The following MGAT4C variants were observed in gnomAD, a reference collection of about 807,000 sequenced individuals.
MGAT4C encodes the protein MGAT4 family member C.
A neutral mutation model predicts 40.1 loss-of-function variants in MGAT4C; 19 were observed. The observed-to-expected ratio is 0.47, with a 90% CI of 0.33 to 0.70. The LOEUF (loss-of-function observed/expected upper bound fraction) is 0.70, where lower values mean the gene tolerates loss of function less well. MGAT4C is among the 30% of genes least tolerant of loss of function. The pLI is 0.02. For missense variants in MGAT4C, 491 were observed against 563.2 expected (o/e 0.87, Z 1.30); for synonymous variants, 181 against 187.1 (o/e 0.97, Z 0.27).
At chr12:86,131,403 C>T (rs1237580936) in intron 1 of MGAT4C, among the ~76,000 whole-genome samples, 1 of 152,006 alleles carries the variant, frequency 6.6e-6, no homozygotes, top group Non-Finnish European at 1.5e-5. Context: ...TTCATATACT[C>T]ATATTTGGAC....
chr12:86,359,126 T>A (rs1052140308), intron 3 of MGAT4C, among the ~76,000 whole-genome samples: 1 of 152,162 alleles, frequency 6.6e-6, no homozygotes, highest in Non-Finnish European at 1.5e-5. Flanking sequence ...CAACAAACTG[T>A]CTTTCAGACC....
intron 2 of MGAT4C, among the ~76,000 whole-genome samples, chr12:86,517,270 G>A (rs911835323): frequency 6.6e-6 from 1 of 152,122 alleles, no homozygotes; most frequent in Non-Finnish European, 1.5e-5. Context: ...TTAAAAGAGT[G>A]AGTTTTATGA....
chr12:86,584,014 T>C (rs912958450), intron 2 of MGAT4C, among the ~76,000 whole-genome samples: 2 of 151,022 alleles, frequency 1.3e-5, no homozygotes, highest in Non-Finnish European at 3.0e-5. Context: ...AAGTCAAACA[T>C]TATCAGAAGA....
At chr12:86,780,218 T>G (rs1951814430) in intron 1 of MGAT4C, among the ~76,000 whole-genome samples, 1 of 152,210 alleles carries the variant, frequency 6.6e-6, no homozygotes. Flanking sequence ...TCAAAAGCCA[T>G]GAATCTTAGA....
intron 1 of MGAT4C, among the ~76,000 whole-genome samples, chr12:86,106,236 T>TC (rs1247991909): frequency 6.6e-6 from 1 of 152,124 alleles, no homozygotes; most frequent in Non-Finnish European, 1.5e-5. Context: ...TTGATATATT[T>TC]CTCTTCTCTT....
chr12:86,701,632 G>T (rs1565935350), intron 2 of MGAT4C, among the ~76,000 whole-genome samples: 2 of 152,164 alleles, frequency 1.3e-5, no homozygotes, highest in South Asian at 4.2e-4. Context: ...GATCTCTAAG[G>T]GTTGAAGTAA....
At chr12:86,375,832 A>T (rs2136215369) in intron 3 of MGAT4C, among the ~76,000 whole-genome samples, 1 of 152,244 alleles carries the variant, frequency 6.6e-6, no homozygotes, top group East Asian at 1.9e-4. Flanking sequence ...TTTCACTAGT[A>T]AAATAATAAA....
At chr12:86,327,366 A>C (rs1349362686) in intron 4 of MGAT4C, among the ~76,000 whole-genome samples, 1 of 151,554 alleles carries the variant, frequency 6.6e-6, no homozygotes, top group African/African-American at 2.4e-5. Flanking sequence ...TAGATTGCTG[A>C]GTTGATTGAT....
Position 86,679,767 on chromosome 12 carries a change from C to T in MGAT4C, c.-229+47442G>A, listed in dbSNP as rs148801292. Among the ~76,000 whole-genome samples the T allele has an allele frequency of 3.0e-4, 45 of 152,210 alleles. No homozygotes were observed. In the East Asian group the frequency reaches 4.8e-3, roughly 16 times the overall value. ...GGAACCTCTAAAGATGTCAAATTAGCTGTAGTCTTCATCTTGATCTTCTCA... is the reference window on the plus strand; with the variant it reads ...GGAACCTCTAAAGATGTCAAATTAGTTGTAGTCTTCATCTTGATCTTCTCA... On this transcript the variant is annotated intron_variant, in intron 2 of 7. Transcript: ENST00000548651.
rs148685404 is a variant in MGAT4C, at chr12:86,410,972, T to C, written c.-120+24185A>G. 2.5e-4 allele frequency among the ~76,000 whole-genome samples: 38 copies of C among 152,302 alleles called. 2 individuals carry two copies. The East Asian group carries it at 7.4e-3, about 29-fold the overall frequency. On this transcript the variant is annotated intron_variant, in intron 3 of 7. Coordinates refer to the MGAT4C transcript ENST00000548651. The stretch of plus-strand genomic sequence containing the variant: ...CCTCCTCTGCTCTGGCCATGTAAGA[T>C]GTGTCAGCATCCACTTTACCTTCTG...
At chr12:86,307,306 A>G (rs1953957512) in intron 4 of MGAT4C, among the ~76,000 whole-genome samples, 1 of 150,686 alleles carries the variant, frequency 6.6e-6, no homozygotes, top group Admixed American at 6.6e-5. Flanking sequence ...CATTGGCATG[A>G]ATTACATAAA....
In MGAT4C at chr12:86,020,175, C is replaced by G. The variant is rs549311056; in HGVS notation, c.-7+29499G>C. 3.3e-5 allele frequency among the ~76,000 whole-genome samples: 5 copies of G among 152,244 alleles called. No homozygotes were observed. In the South Asian group the frequency reaches 6.2e-4, roughly 19 times the overall value. ...GACTTCCTCTTTTCTTCATTGAATA[C>G]CCTTTATCTCCTTCTCCTGCCTGAC... On this transcript the variant is annotated intron_variant, in intron 2 of 4. Transcript: ENST00000611864.
intron 1 of MGAT4C, among the ~76,000 whole-genome samples, chr12:86,086,776 A>G (rs1871931185): frequency 6.6e-6 from 1 of 152,042 alleles, no homozygotes; most frequent in South Asian, 2.1e-4. Context: ...ATTTCTATCT[A>G]GACGTATTTT....
chr12:86,610,788 T>C (rs749623805), intron 2 of MGAT4C, among the ~76,000 whole-genome samples: 47 of 127,406 alleles, frequency 3.7e-4, no homozygotes, highest in Middle Eastern at 4.4e-3. Context: ...TTCCCCTTCC[T>C]TGAGAAAAAT....
chr12:86,747,416 T>C (rs1951168491), intron 1 of MGAT4C, among the ~76,000 whole-genome samples: 1 of 151,636 alleles, frequency 6.6e-6, no homozygotes, highest in African/African-American at 2.4e-5. Flanking sequence ...TGTACTTGTG[T>C]GGAGGTTGTT....
At chr12:86,574,754 T>C (rs1429697153) in intron 2 of MGAT4C, among the ~76,000 whole-genome samples, 3 of 151,836 alleles carry the variant, frequency 2.0e-5, no homozygotes, top group African/African-American at 4.8e-5. Context: ...GCCAGGCAAG[T>C]ATATTTATGA....
At chr12:86,596,156 C>CT (rs923142579) in intron 2 of MGAT4C, among the ~76,000 whole-genome samples, 7 of 151,492 alleles carry the variant, frequency 4.6e-5, no homozygotes, top group African/African-American at 1.7e-4. Flanking sequence ...CATTTATTAA[C>CT]TTTTTTATGT....
intron 2 of MGAT4C, among the ~76,000 whole-genome samples, chr12:86,721,594 CTATCATT>C (rs1337639584): frequency 1.3e-5 from 2 of 152,106 alleles, no homozygotes; most frequent in Non-Finnish European, 2.9e-5. Context: ...GAAGACTGAA[CTATCATT>C]TATCTGCCTT....
intron 2 of MGAT4C, among the ~76,000 whole-genome samples, chr12:86,524,246 T>G (rs1592950161): frequency 6.6e-6 from 1 of 152,328 alleles, no homozygotes; most frequent in Non-Finnish European, 1.5e-5. Flanking sequence ...TTTCTCATAT[T>G]TATGTGCTTC....
Sources: gnomAD v4.1 joint callset for allele counts (sites outside exome capture counted in the v4.1 genomes callset) on GRCh38, gnomAD v4.1.1 for gene constraint, MANE v1.5 for transcripts, NCBI Gene and HGNC (gene_info 2026-07-23, HGNC 2026-07-21) for gene names.